The following XNDC1N variants were observed in gnomAD, a reference collection of about 807,000 sequenced individuals.
The protein encoded by XNDC1N is protein XNDC1N.
At chr11:71,903,650 CTT>C in the XNDC1N span, 22,173 of 309,930 alleles carry the variant, frequency 0.072, 3 homozygotes, top group South Asian at 0.091. Flanking sequence ...TTTTTTTTTT[CTT>C]TTTTTTTTTT....
the XNDC1N span, chr11:71,928,250 G>A: frequency 5.4e-6 from 3 of 552,770 alleles, no homozygotes; most frequent in African/African-American, 5.8e-5. Context: ...AGCTCAAGCC[G>A]CACCGCTGCT....
At chr11:71,909,639 A>G in the XNDC1N span, among the ~76,000 whole-genome samples, 1,267 of 152,250 alleles carry the variant, frequency 8.3e-3, 13 homozygotes, top group African/African-American at 0.023. Flanking sequence ...CTGAACATTC[A>G]CTAGTAACCG....
chr11:71,880,468 CT>C, the XNDC1N span, among the ~76,000 whole-genome samples: 1 of 152,092 alleles, frequency 6.6e-6, no homozygotes, highest in Non-Finnish European at 1.5e-5. Flanking sequence ...CAAAAGTCAA[CT>C]TTTTGTTTCA....
chr11:71,921,803 G>A, the XNDC1N span, among the ~76,000 whole-genome samples: 1 of 152,106 alleles, frequency 6.6e-6, no homozygotes, highest in Non-Finnish European at 1.5e-5. Context: ...GATCTCTAAA[G>A]AGTACAGTGG....
At chr11:71,892,650 T>C in the XNDC1N span, among the ~76,000 whole-genome samples, 2 of 151,990 alleles carry the variant, frequency 1.3e-5, no homozygotes, top group South Asian at 2.1e-4. Flanking sequence ...GCCTCCTGAG[T>C]AGCTAGGGTT....
chr11:71,905,430 A>G, the XNDC1N span, among the ~76,000 whole-genome samples: 1 of 151,832 alleles, frequency 6.6e-6, no homozygotes, highest in South Asian at 2.1e-4. Flanking sequence ...CCCCCCTAGA[A>G]TATTACAATA....
the XNDC1N span, among the ~76,000 whole-genome samples, chr11:71,892,298 T>A: frequency 6.6e-6 from 1 of 151,972 alleles, no homozygotes; most frequent in Non-Finnish European, 1.5e-5. Flanking sequence ...GGTGTAATAT[T>A]TTTCTAAGTT....
At chr11:71,873,125 A>C in the XNDC1N span, among the ~76,000 whole-genome samples, 1 of 150,900 alleles carries the variant, frequency 6.6e-6, no homozygotes, top group Non-Finnish European at 1.5e-5. Context: ...GTGTGATATT[A>C]TTTTTGTTTA....
At chr11:71,873,583 C>T in the XNDC1N span, among the ~76,000 whole-genome samples, 2 of 152,050 alleles carry the variant, frequency 1.3e-5, no homozygotes, top group African/African-American at 4.8e-5. Flanking sequence ...GACAGAGTTT[C>T]CATAGAAATA....
chr11:71,882,880 C>A, the XNDC1N span, among the ~76,000 whole-genome samples: 2 of 152,070 alleles, frequency 1.3e-5, no homozygotes, highest in African/African-American at 4.8e-5. Flanking sequence ...ATTATTAAAA[C>A]TAATAACAAA....
chr11:71,888,003 C>T, the XNDC1N span, among the ~76,000 whole-genome samples: 3 of 152,182 alleles, frequency 2.0e-5, no homozygotes, highest in Admixed American at 6.5e-5. Context: ...AAGAACTCCC[C>T]CACCATCTTC....
At chr11:71,886,581 G>C in the XNDC1N span, among the ~76,000 whole-genome samples, 171 of 149,378 alleles carry the variant, frequency 1.1e-3, 5 homozygotes, top group South Asian at 0.033. Flanking sequence ...ACAATTCTAC[G>C]AGAGACTGTG....
At chr11:71,904,779 T>A in the XNDC1N span, among the ~76,000 whole-genome samples, 1 of 152,020 alleles carries the variant, frequency 6.6e-6, no homozygotes, top group African/African-American at 2.4e-5. Flanking sequence ...ACGAATAATA[T>A]CACAGCAGGT....
the XNDC1N span, among the ~76,000 whole-genome samples, chr11:71,908,186 C>A: frequency 2.4e-4 from 37 of 151,192 alleles, no homozygotes; most frequent in Non-Finnish European, 4.1e-4. Context: ...TATGAATGAC[C>A]GATATTAATA....
the XNDC1N span, among the ~76,000 whole-genome samples, chr11:71,926,947 G>T: frequency 7.1e-6 from 1 of 141,824 alleles, no homozygotes; most frequent in Non-Finnish European, 1.6e-5. Flanking sequence ...TAAAATAAAA[G>T]ACAAATAATT....
At chr11:71,911,407 C>T in the XNDC1N span, among the ~76,000 whole-genome samples, 5 of 152,186 alleles carry the variant, frequency 3.3e-5, no homozygotes, top group Admixed American at 6.5e-5. Context: ...ACCTGACCTC[C>T]GGGACCAGCC....
At chr11:71,882,748 C>T in the XNDC1N span, among the ~76,000 whole-genome samples, 7 of 152,196 alleles carry the variant, frequency 4.6e-5, no homozygotes, top group South Asian at 1.5e-3. Flanking sequence ...CTAGCAAGAA[C>T]AATTAGGCAA....
chr11:71,894,149 G>A, the XNDC1N span: 35 of 574,620 alleles, frequency 6.1e-5, no homozygotes, highest in Non-Finnish European at 8.9e-5. Context: ...TCCATTCTTA[G>A]GATTTCATCG....
At chr11:71,923,556 T>C in the XNDC1N span, 2 of 473,908 alleles carry the variant, frequency 4.2e-6, no homozygotes, top group Non-Finnish European at 3.8e-6. Flanking sequence ...TTCATTTCTG[T>C]TTTGTTTTTT....
Sources: gnomAD v4.1 joint callset for allele counts (sites outside exome capture counted in the v4.1 genomes callset) on GRCh38, gnomAD v4.1.1 for gene constraint, MANE v1.5 for transcripts, NCBI Gene and HGNC (gene_info 2026-07-23, HGNC 2026-07-21) for gene names.